Variants in PPIL2 observed in about 807,000 individuals in gnomAD.
PPIL2 encodes the protein peptidylprolyl isomerase like 2.
A neutral mutation model predicts 75.2 loss-of-function variants in PPIL2; 50 were observed. The observed-to-expected ratio is 0.66, with a 90% CI of 0.53 to 0.84. PPIL2 has a LOEUF of 0.84. Among genes scored for constraint, PPIL2 ranks in the 40% least tolerant of loss-of-function variants. The probability of loss-of-function intolerance (pLI) is 0.00; values close to 1 mark genes in which losing one functional copy is unlikely to be tolerated. For synonymous variants in PPIL2, 245 were observed against 258.8 expected, an observed-to-expected ratio of 0.95 and a Z score of 0.51; for missense variants, 590 against 685.0, an observed-to-expected ratio of 0.86 and a Z score of 1.55.
rs765556874 is a variant in PPIL2, at chr22:21,697,218, C to A, written c.*1728C>A. On this transcript the variant is annotated 3_prime_UTR_variant, in exon 20 of 20. Transcript: ENST00000398831. ...TAGGACACAGTGACTGCCCAGGTGT[C>A]CACACACCTGTAGGCCTCTGAGCCA... is the stretch of plus-strand genomic sequence containing the variant. The A allele has an allele frequency of 6.9e-5, 39 of 562,320 alleles. No homozygotes were observed. The highest frequency in any genetic ancestry group is 1.2e-4 in the Non-Finnish European group (38 of 314,338). The allele number at this position is 562,320 out of a possible 1,614,324, so 34.8% of individuals were successfully genotyped here. A position where few individuals can be genotyped will look rare whatever the true frequency, so the allele number is the denominator to read the frequency against.
rs1326669570 is a variant in PPIL2 at position 21,693,695 on chromosome 22, C to A, written c.1140-121C>A. 6 of 998,092 alleles carry A rather than the reference C, an allele frequency of 6.0e-6. No homozygotes were observed. The African/African-American group carries it at 9.5e-5, about 16-fold the overall frequency. The allele number at this position is 998,092 out of a possible 1,614,324, so 61.8% of individuals were successfully genotyped here. On this transcript the variant is annotated intron_variant, in intron 15 of 19. Coordinates refer to ENST00000398831, the MANE Select transcript of PPIL2 (RefSeq NM_014337.4). Reference sequence around the variant, plus strand: ...CAGGGAACCACGTGCACACATGCGTCCGTGGAAGCTGCAGGTTCCCAGAGC... The same window carrying A: ...CAGGGAACCACGTGCACACATGCGTACGTGGAAGCTGCAGGTTCCCAGAGC...
chr22:21,680,822 TCC>T (rs2067086334), intron 6 of PPIL2, among the ~76,000 whole-genome samples: 1 of 82,110 alleles, frequency 1.2e-5, no homozygotes, highest in South Asian at 4.8e-4. Context: ...AGAGCGAGAC[TCC>T]ATCTCAAAAA....
In PPIL2 at chr22:21,696,141, G is replaced by T. The variant is rs914165341; in HGVS notation, c.*651G>T. 2.0e-6 allele frequency: 2 copies of T among 996,194 alleles called. No individual in the cohort carries two copies. Among genetic ancestry groups the T allele is most frequent in the African/African-American group, 3.5e-5 (2 of 57,278 alleles). The allele number at this position is 996,194 out of a possible 1,614,324, so 61.7% of individuals were successfully genotyped here. On this transcript the variant is annotated 3_prime_UTR_variant, in exon 20 of 20. Coordinates refer to ENST00000398831, the MANE Select transcript of PPIL2 (RefSeq NM_014337.4). ...TAAGCCTCTGCAGGGTGGGCTTCTC[G>T]GTCTGTTTTGACAAAACTTCAGGGG...
intron 6 of PPIL2, among the ~76,000 whole-genome samples, chr22:21,679,495 G>A (rs1423768765): frequency 6.6e-6 from 1 of 151,948 alleles, no homozygotes; most frequent in Non-Finnish European, 1.5e-5. Context: ...CCAGCTACTT[G>A]GGAGGCTGAG....
rs554607285 is a variant in PPIL2, at chr22:21,695,275, A to G, written c.1467-119A>G. On this transcript the variant is annotated intron_variant, in intron 19 of 19. Coordinates refer to ENST00000398831, the MANE Select transcript of PPIL2 (RefSeq NM_014337.4). ...GGTGGAAGAGATCAAATTCAGGGGGATGTGGGAGCAGCAGGTGGGAGGGGT... is the reference window on the plus strand; with the variant it reads ...GGTGGAAGAGATCAAATTCAGGGGGGTGTGGGAGCAGCAGGTGGGAGGGGT... The G allele has an allele frequency of 1.0e-4, 136 of 1,325,174 alleles. No homozygotes were observed. In the African/African-American group the frequency reaches 1.9e-3, roughly 18 times the overall value. The allele number at this position is 1,325,174 out of a possible 1,614,324, so 82.1% of individuals were successfully genotyped here.
rs1470531468 is a variant in PPIL2, at chr22:21,695,601, C to T, written c.*111C>T. The T allele has an allele frequency of 5.3e-6, 8 of 1,513,894 alleles. No individual in the cohort carries two copies. Among genetic ancestry groups the T allele is most frequent in the African/African-American group, 1.4e-5 (1 of 72,142 alleles). 93.8% of individuals were successfully genotyped at this position (1,513,894 alleles called of 1,614,324 possible). On this transcript the variant is annotated 3_prime_UTR_variant, in exon 20 of 20. Coordinates refer to ENST00000398831, the MANE Select transcript of PPIL2 (RefSeq NM_014337.4). ...CCCTCTGCTGCCAGCCAATAAATTGCTTGCCTGCTGCCTGCATCCCCTTTC... is the reference window on the plus strand; with the variant it reads ...CCCTCTGCTGCCAGCCAATAAATTGTTTGCCTGCTGCCTGCATCCCCTTTC...
intron 6 of PPIL2, among the ~76,000 whole-genome samples, chr22:21,677,628 G>A (rs2066931486): frequency 6.6e-6 from 1 of 152,262 alleles, no homozygotes; most frequent in African/African-American, 2.4e-5. Flanking sequence ...GGAGGTTGCA[G>A]TGAGCCGAGA....
chr22:21,694,656 C>T lies in PPIL2; in HGVS notation c.1260C>T (p.Asp420=), dbSNP rs149901767. The T allele has an allele frequency of 6.4e-5, 103 of 1,614,128 alleles. No individual in the cohort carries two copies. The highest frequency in any genetic ancestry group is 9.3e-5 in the African/African-American group (7 of 75,046). The change falls in exon 17 of 20, where the codon GAC becomes GAT. Residue 420 remains aspartate (D), a synonymous_variant. Coordinates refer to ENST00000398831, the MANE Select transcript of PPIL2 (RefSeq NM_014337.4). ...ATGTGGAGAGTGACCCCAAAACTGA[C>T]CGCCCTAAGGTCTGTGCCCAGGGAG... ...MENVESDPKT[D]RPKEEIRIDA... is the part of the protein sequence containing the mutation.
chr22:21,686,564 C>T lies in PPIL2; in HGVS notation c.790+6C>T. On this transcript the variant is annotated splice_donor_region_variant and intron_variant, in intron 11 of 19. Coordinates refer to ENST00000398831, the MANE Select transcript of PPIL2 (RefSeq NM_014337.4). ...GGAGACCACACATGAAGCAGGTAGCCACCTTGGCCTCTGTAGCCACCTGCC... is the reference window on the plus strand; with the variant it reads ...GGAGACCACACATGAAGCAGGTAGCTACCTTGGCCTCTGTAGCCACCTGCC... 6.2e-7 allele frequency: 1 copy of T among 1,613,700 alleles called. No homozygotes were observed. The highest frequency in any genetic ancestry group is 8.5e-7 in the Non-Finnish European group (1 of 1,179,626).
intron 1 of PPIL2, among the ~76,000 whole-genome samples, chr22:21,667,839 C>T (rs932392046): frequency 7.6e-6 from 1 of 131,360 alleles, no homozygotes; most frequent in Non-Finnish European, 1.5e-5. Flanking sequence ...GCAATGGTGC[C>T]GTCTTGGCTC....
At chr22:21,686,449 C>T in intron 10 of PPIL2, 34 bp from the exon 11 acceptor site, 3 of 1,600,414 alleles carry the variant, frequency 1.9e-6, no homozygotes, top group Non-Finnish European at 2.6e-6. Context: ...CCTCCCATGG[C>T]ACTGCTGAGG....
In PPIL2 at chr22:21,686,968, C is replaced by T. The variant is rs764935326; in HGVS notation, c.867C>T (p.Gly289=). The stretch of plus-strand genomic sequence containing the variant: ...ACGTGCGGCTGCACACCAACAAGGG[C>T]GACCTCAACCTGGAGCTGCACTGCG... The part of the protein sequence containing the change: ...KGYVRLHTNK[G]DLNLELHCDL... The change falls in exon 12 of 20, where the codon GGC becomes GGT. Residue 289 remains glycine, a synonymous_variant. Transcript: ENST00000398831. The T allele has an allele frequency of 4.8e-5, 77 of 1,613,856 alleles. No homozygotes were observed. Among genetic ancestry groups the T allele is most frequent in the Non-Finnish European group, 6.1e-5 (72 of 1,180,002 alleles).
At chr22:21,676,309 T>TTTTGTGTGTG (rs71318714) in intron 6 of PPIL2, among the ~76,000 whole-genome samples, 275 of 123,054 alleles carry the variant, frequency 2.2e-3, no homozygotes, top group African/African-American at 8.1e-3. Flanking sequence ...TTTATTTATT[T>TTTTGTGTGTG]TGTGTGTGTG....
At chr22:21,679,408 T>C (rs2067010846) in intron 6 of PPIL2, among the ~76,000 whole-genome samples, 1 of 145,814 alleles carries the variant, frequency 6.9e-6, no homozygotes, top group Non-Finnish European at 1.5e-5. Context: ...AAGACCAGCC[T>C]GGGCAACATA....
chr22:21,688,734 G>C lies in PPIL2; in HGVS notation c.1024G>C (p.Gly342Arg). Residue 342 changes from glycine to arginine, a missense_variant and splice_region_variant, in exon 15 of 20, where the codon GGG (glycine) becomes CGG (arginine). Transcript: ENST00000398831. ...TCCCATGGGCCTTTCTCTTCCAGGTGGGGAGTCATACTGGGGGAAGCCCTT... is the reference window on the plus strand; with the variant it reads ...TCCCATGGGCCTTTCTCTTCCAGGTCGGGAGTCATACTGGGGGAAGCCCTT... ...GGDPTGTGTGGESYWGKPFKD... is the reference protein window; with the variant it reads ...GGDPTGTGTGRESYWGKPFKD... 1 of 1,614,008 alleles carries C rather than the reference G, an allele frequency of 6.2e-7. No individual in the cohort carries two copies. The highest frequency in any genetic ancestry group is 8.5e-7 in the Non-Finnish European group (1 of 1,179,854).
At position 21,695,020 on chromosome 22, in the gene PPIL2, C is replaced by T. The variant is rs775956476; in HGVS notation, c.1416C>T (p.Gly472=). The T allele has an allele frequency of 6.2e-7, 1 of 1,613,084 alleles. No individual in the cohort carries two copies. The highest frequency in any genetic ancestry group is 8.5e-7 in the Non-Finnish European group (1 of 1,179,964). The stretch of plus-strand genomic sequence containing the variant: ...GCCAGCCCCAGGCAGGGAGCCAGGG[C>T]CCCCAGACCTTCCGCCAGGGCGTGG... The part of the protein sequence containing the change: ...KSSQPQAGSQ[G]PQTFRQGVGK... Residue 472 remains glycine (G), a synonymous_variant, in exon 19 of 20, where the codon GGC becomes GGT. Transcript: ENST00000398831.
intron 15 of PPIL2, among the ~76,000 whole-genome samples, chr22:21,693,177 A>G (rs2067757033): frequency 6.6e-6 from 1 of 151,752 alleles, no homozygotes; most frequent in East Asian, 2.0e-4. Flanking sequence ...CCTCCTAAGT[A>G]GTTGGGACTA....
At chr22:21,672,467 A>G in intron 5 of PPIL2, 86 bp downstream of exon 5, 1 of 1,372,256 alleles carries the variant, frequency 7.3e-7, no homozygotes, top group Non-Finnish European at 1.0e-6. Flanking sequence ...TCATGAACAC[A>G]GGAACATGGG....
At chr22:21,682,084 A>G (rs1190209967) in intron 7 of PPIL2, among the ~76,000 whole-genome samples, 2 of 152,228 alleles carry the variant, frequency 1.3e-5, no homozygotes, top group East Asian at 3.8e-4. Flanking sequence ...TTGTGTGCAC[A>G]GCCCCTGCCC....
Sources: allele counts gnomAD v4.1 joint callset (sites outside exome capture counted in the v4.1 genomes callset), GRCh38; gene constraint gnomAD v4.1.1; transcripts MANE v1.5; gene names NCBI Gene and HGNC (gene_info 2026-07-23, HGNC 2026-07-21).